The following SMAD2 variants were observed in gnomAD, a reference collection of about 807,000 sequenced individuals.
SMAD2 encodes the protein SMAD family member 2, also known as MAD homolog 2.
A neutral mutation model predicts 64.4 loss-of-function variants in SMAD2; 8 were observed. That is an observed-to-expected ratio of 0.12 (90% confidence interval 0.07 to 0.22). SMAD2 has a LOEUF of 0.22. Among genes scored for constraint, SMAD2 ranks in the 10% least tolerant of loss-of-function variants. The probability of loss-of-function intolerance (pLI) is 1.00; values close to 1 mark genes in which losing one functional copy is unlikely to be tolerated. For missense variants in SMAD2, 289 were observed against 561.2 expected (o/e 0.51, Z 4.90); for synonymous variants, 203 against 195.8 (o/e 1.04, Z -0.31).
At chr18:47,847,787 C>T (rs1376306287) in intron 8 of SMAD2, among the ~76,000 whole-genome samples, 6 of 150,628 alleles carry the variant, frequency 4.0e-5, no homozygotes, top group African/African-American at 1.5e-4. Flanking sequence ...ATCAAATCTA[C>T]ATTTCATCTC....
chr18:47,896,846 C>T, intron 1 of SMAD2, 37 bp from the exon 2 acceptor site: 1 of 1,520,444 alleles, frequency 6.6e-7, no homozygotes, highest in Non-Finnish European at 8.9e-7. Flanking sequence ...TAGAGACTAC[C>T]TTGAACATCA....
At chr18:47,855,632 CT>C (rs1219952065) in intron 6 of SMAD2, among the ~76,000 whole-genome samples, 1 of 151,662 alleles carries the variant, frequency 6.6e-6, no homozygotes, top group African/African-American at 2.4e-5. Flanking sequence ...GTACTTTTTT[CT>C]TTTTTTCAGA....
chr18:47,859,396 T>G (rs1158142880), intron 6 of SMAD2, among the ~76,000 whole-genome samples: 1 of 152,188 alleles, frequency 6.6e-6, no homozygotes, highest in Non-Finnish European at 1.5e-5. Flanking sequence ...TATATGGAAC[T>G]CTTATCAAGA....
At position 47,829,874 on chromosome 18, in the gene SMAD2, A is replaced by C. The variant is rs1385989184; in HGVS notation, c.*11953T>G. On this transcript the variant is annotated 3_prime_UTR_variant, in exon 11 of 11. Transcript: ENST00000262160. ...ACAGGAAAATAATGACTAAGCTAAC[A>C]ACCAAACTTTCAGAGTATAAAATTT... 2.6e-5 allele frequency: 4 copies of C among 152,244 alleles called. No homozygotes were observed. The highest frequency in any genetic ancestry group is 4.4e-5 in the Non-Finnish European group (3 of 68,042). 9.4% of individuals were successfully genotyped at this position (152,244 alleles called of 1,614,324 possible).
chr18:47,843,545 T>C (rs1371980381), intron 10 of SMAD2, among the ~76,000 whole-genome samples: 2 of 152,200 alleles, frequency 1.3e-5, no homozygotes, highest in Non-Finnish European at 2.9e-5. Context: ...CAAGATGACA[T>C]TAAGGAAATT....
At chr18:47,918,080 A>G (rs77883509) in intron 1 of SMAD2, among the ~76,000 whole-genome samples, 2,066 of 152,312 alleles carry the variant, frequency 0.014, 19 homozygotes, top group Admixed American at 0.021. Context: ...AGGGCCAGGC[A>G]GGGGAAGGAA....
Position 47,833,345 on chromosome 18 carries a change from C to T in SMAD2, c.*8482G>A. ...TTTGGTGTAGGTGGGAGAAAGACAT[C>T]AGTATTCAACAATTTTAACTTGAAA... On this transcript the variant is annotated 3_prime_UTR_variant, in exon 11 of 11. Transcript: ENST00000262160. 1 of 221,194 alleles carries T rather than the reference C, an allele frequency of 4.5e-6. No homozygotes were observed. The highest frequency in any genetic ancestry group is 2.2e-5 in the African/African-American group (1 of 44,796). 13.7% of individuals were successfully genotyped at this position (221,194 alleles called of 1,614,324 possible). A position where few individuals can be genotyped will look rare whatever the true frequency, so the allele number is the denominator to read the frequency against.
Position 47,830,466 on chromosome 18 carries a change from A to G in SMAD2, c.*11361T>C, listed in dbSNP as rs764781028. 6.6e-6 allele frequency: 1 copy of G among 151,404 alleles called. No individual in the cohort carries two copies. The highest frequency in any genetic ancestry group is 1.5e-5 in the Non-Finnish European group (1 of 67,948). The allele number at this position is 151,404 out of a possible 1,614,324, so 9.4% of individuals were successfully genotyped here. A position where few individuals can be genotyped will look rare whatever the true frequency, so the allele number is the denominator to read the frequency against. The stretch of plus-strand genomic sequence containing the variant: ...GTGGTGTGTGCCTGTAATCCCAGCT[A>G]CTCAGGAGGCTAAGGCAGGAGAATC... On this transcript the variant is annotated 3_prime_UTR_variant, in exon 11 of 11. Coordinates refer to ENST00000262160, the MANE Select transcript of SMAD2 (RefSeq NM_005901.6).
rs1176185229 is a variant in SMAD2 at position 47,930,423 on chromosome 18, C to T, written c.-116G>A. ...GGGGGTCCGGGACCTTTTGTTCCTT[C>T]CTCTTCCGATGGGATGGAGGGGGCT... On this transcript the variant is annotated 5_prime_UTR_variant, in exon 1 of 11. Transcript: ENST00000262160. 1.3e-5 allele frequency: 2 copies of T among 152,094 alleles called. No homozygotes were observed. Among genetic ancestry groups the T allele is most frequent in the Non-Finnish European group, 2.9e-5 (2 of 68,038 alleles). The allele number at this position is 152,094 out of a possible 1,614,324, so 9.4% of individuals were successfully genotyped here. A position where few individuals can be genotyped will look rare whatever the true frequency, so the allele number is the denominator to read the frequency against.
At chr18:47,861,592 A>T (rs528397406) in intron 6 of SMAD2, among the ~76,000 whole-genome samples, 1 of 152,220 alleles carries the variant, frequency 6.6e-6, no homozygotes, top group South Asian at 2.1e-4. Context: ...TCTACATCAA[A>T]AACTGTTTAA....
chr18:47,866,657 T>C (rs1167781320), intron 5 of SMAD2, among the ~76,000 whole-genome samples: 1 of 152,218 alleles, frequency 6.6e-6, no homozygotes. Flanking sequence ...TTACTGTGTT[T>C]ATTTTTTCCA....
intron 7 of SMAD2, among the ~76,000 whole-genome samples, chr18:47,850,327 G>A (rs1413030698): frequency 8.6e-5 from 3 of 35,006 alleles, no homozygotes; most frequent in African/African-American, 4.1e-4. Flanking sequence ...TACATATTAT[G>A]TATAATATAT....
At position 47,815,299 on chromosome 18, in the gene SMAD2, T is replaced by C. The variant is rs1166429053; in HGVS notation, c.*26528A>G. 2.0e-5 allele frequency: 3 copies of C among 152,196 alleles called. No individual in the cohort carries two copies. The allele number at this position is 152,196 out of a possible 1,614,324, so 9.4% of individuals were successfully genotyped here. ...AAACCAGATGGGATGCATGAGAAAT[T>C]GATGTGAAATGAAGGAACTGTAACT... On this transcript the variant is annotated 3_prime_UTR_variant, in exon 11 of 11. Coordinates refer to ENST00000262160, the MANE Select transcript of SMAD2 (RefSeq NM_005901.6).
Position 47,831,809 on chromosome 18 carries a change from A to G in SMAD2, c.*10018T>C, listed in dbSNP as rs965928411. 1.3e-5 allele frequency: 2 copies of G among 152,230 alleles called. No individual in the cohort carries two copies. Among genetic ancestry groups the G allele is most frequent in the Non-Finnish European group, 2.9e-5 (2 of 68,044 alleles). The allele number at this position is 152,230 out of a possible 1,614,324, so 9.4% of individuals were successfully genotyped here. On this transcript the variant is annotated 3_prime_UTR_variant, in exon 11 of 11. Transcript: ENST00000262160. Reference sequence around the variant, plus strand: ...AAAATCAGTTAAACCAATTCTACAAATATTTCCATACCTATTTATTGCAGC... The same window carrying G: ...AAAATCAGTTAAACCAATTCTACAAGTATTTCCATACCTATTTATTGCAGC...
At chr18:47,860,042 G>A (rs2031044945) in intron 6 of SMAD2, among the ~76,000 whole-genome samples, 1 of 152,034 alleles carries the variant, frequency 6.6e-6, no homozygotes, top group Non-Finnish European at 1.5e-5. Context: ...GGCTAAAGTG[G>A]GGAAGATTGC....
rs1598739944 is a variant in SMAD2, at chr18:47,841,072, A to C, written c.*755T>G. 4.3e-6 allele frequency: 1 copy of C among 232,440 alleles called. No homozygotes were observed. 14.4% of individuals were successfully genotyped at this position (232,440 alleles called of 1,614,324 possible). ...ATGTTATGCTGTTTTGATTATGAGG[A>C]CAAAAATGGGAATGGAAAAAAGAGG... On this transcript the variant is annotated 3_prime_UTR_variant, in exon 11 of 11. Transcript: ENST00000262160.
intron 1 of SMAD2, among the ~76,000 whole-genome samples, chr18:47,904,385 A>C (rs1025283596): frequency 6.6e-6 from 1 of 151,834 alleles, no homozygotes; most frequent in African/African-American, 2.4e-5. Flanking sequence ...TTGTGGAGCA[A>C]AACTTACTTG....
chr18:47,908,960 G>C (rs761074994), intron 1 of SMAD2, among the ~76,000 whole-genome samples: 1 of 151,852 alleles, frequency 6.6e-6, no homozygotes, highest in African/African-American at 2.4e-5. Flanking sequence ...GAAAAATCAT[G>C]ACATTACAAG....
At chr18:47,924,248 CAAAAA>C (rs201933597) in intron 1 of SMAD2, among the ~76,000 whole-genome samples, 1 of 99,758 alleles carries the variant, frequency 1.0e-5, no homozygotes. Flanking sequence ...AACTCCGTCT[CAAAAA>C]AAAAAAAAAA....
Sources: allele counts gnomAD v4.1 joint callset (sites outside exome capture counted in the v4.1 genomes callset), GRCh38; gene constraint gnomAD v4.1.1; transcripts MANE v1.5; gene names NCBI Gene and HGNC (gene_info 2026-07-23, HGNC 2026-07-21).